Variants in TMC2 observed in about 807,000 individuals in gnomAD.
The protein encoded by TMC2 is transmembrane channel like 2.
TMC2 carries 102 observed loss-of-function variants against 105.9 expected under a neutral mutation model. That is an observed-to-expected ratio of 0.96 (90% confidence interval 0.82 to 1.14). The LOEUF is 1.14. Ranked by LOEUF, TMC2 falls within the 50% of genes most tolerant of loss-of-function variation. The pLI is 0.00. For missense variants in TMC2, 1,093 were observed against 1,134.3 expected, an observed-to-expected ratio of 0.96 and a Z score of 0.52; for synonymous variants, 402 against 422.8, an observed-to-expected ratio of 0.95 and a Z score of 0.60.
intron 19 of TMC2, among the ~76,000 whole-genome samples, chr20:2,638,211 G>A (rs889294377): frequency 2.0e-5 from 3 of 152,088 alleles, no homozygotes; most frequent in African/African-American, 4.8e-5. Flanking sequence ...CGTGGTGGCG[G>A]GCGCCTGTAG....
rs1209854083 is a variant in TMC2 at position 2,580,019 on chromosome 20, T to C, written c.797T>C (p.Leu266Pro). 1.2e-6 allele frequency: 2 copies of C among 1,613,674 alleles called. No homozygotes were observed. Among genetic ancestry groups the C allele is most frequent in the African/African-American group, 2.7e-5 (2 of 75,066 alleles). The stretch of plus-strand genomic sequence containing the variant: ...TGGATGTATGGAGTTAACCTTGTCC[T>C]TTTTGGCTTAATATTTGGTCTAGTC... ...LRWMYGVNLVLFGLIFGLVII... is the reference protein window; with the variant it reads ...LRWMYGVNLVPFGLIFGLVII... The change falls in exon 7 of 20, where the codon CTT (leucine) becomes CCT (proline). Residue 266 changes from leucine (L) to proline (P), a missense_variant. Leu to Pro is a moderately conservative substitution (Grantham distance 98, BLOSUM62 -3). Coordinates refer to ENST00000358864, the MANE Select transcript of TMC2 (RefSeq NM_080751.3).
At chr20:2,567,881 A>G (rs1461697512) in intron 4 of TMC2, among the ~76,000 whole-genome samples, 3 of 152,232 alleles carry the variant, frequency 2.0e-5, no homozygotes, top group Non-Finnish European at 4.4e-5. Context: ...CAACAACAGA[A>G]TGAAGAGAAC....
At chr20:2,638,356 C>CAAAAAAA (rs58078004) in intron 19 of TMC2, among the ~76,000 whole-genome samples, 1 of 142,622 alleles carries the variant, frequency 7.0e-6, no homozygotes. Flanking sequence ...GACTCCATCT[C>CAAAAAAA]AAAAAAAAAA....
chr20:2,572,864 T>C (rs2086113497), intron 5 of TMC2, among the ~76,000 whole-genome samples: 1 of 152,172 alleles, frequency 6.6e-6, no homozygotes, highest in Non-Finnish European at 1.5e-5. Flanking sequence ...TTGATGTCAT[T>C]ACCTCAATGA....
chr20:2,571,869 T>A (rs1416255770), intron 4 of TMC2, among the ~76,000 whole-genome samples: 1 of 152,200 alleles, frequency 6.6e-6, no homozygotes, highest in Non-Finnish European at 1.5e-5. Flanking sequence ...AAATCAGTAA[T>A]CTTAACTACA....
intron 1 of TMC2, 122 bp downstream of exon 1, chr20:2,536,777 T>G: frequency 9.3e-7 from 1 of 1,074,292 alleles, no homozygotes; most frequent in Non-Finnish European, 1.4e-6. Flanking sequence ...GTCCAGGGCC[T>G]GTCCCCTGTG....
At chr20:2,581,396 C>G (rs1427714235) in intron 7 of TMC2, among the ~76,000 whole-genome samples, 5 of 152,180 alleles carry the variant, frequency 3.3e-5, no homozygotes, top group Non-Finnish European at 7.3e-5. Flanking sequence ...GGTTCTGAGT[C>G]CACTGAGCCC....
At chr20:2,573,540 CTT>C in intron 5 of TMC2, among the ~76,000 whole-genome samples, 1 of 135,738 alleles carries the variant, frequency 7.4e-6, no homozygotes, top group East Asian at 2.1e-4. Context: ...CTTATTAATT[CTT>C]TTTTTTTTCT....
intron 2 of TMC2, among the ~76,000 whole-genome samples, chr20:2,550,412 C>T (rs2085949851): frequency 6.6e-6 from 1 of 152,086 alleles, no homozygotes; most frequent in Admixed American, 6.6e-5. Flanking sequence ...TCTTTCCTCC[C>T]CTCACCGAAT....
In TMC2 at chr20:2,565,111, C is replaced by T. The variant is rs1007218927; in HGVS notation, c.554+3101C>T. On this transcript the variant is annotated intron_variant, in intron 4 of 19. Coordinates refer to ENST00000358864, the MANE Select transcript of TMC2 (RefSeq NM_080751.3). ...CCCTCTCATTCCAAGGCACTGTCCA[C>T]TCTCTTGACTGGATGCTGTTCTTGT... is the stretch of plus-strand genomic sequence containing the variant. Among the ~76,000 whole-genome samples the T allele has an allele frequency of 1.1e-4, 17 of 152,356 alleles. No individual in the cohort carries two copies. In the South Asian group the frequency reaches 2.1e-3, roughly 19 times the overall value.
chr20:2,609,095 C>G (rs1028063671), intron 11 of TMC2, among the ~76,000 whole-genome samples: 2 of 152,152 alleles, frequency 1.3e-5, no homozygotes, highest in African/African-American at 4.8e-5. Context: ...TATCTGAGGA[C>G]CGGAAAGTTT....
intron 7 of TMC2, among the ~76,000 whole-genome samples, chr20:2,584,267 A>T (rs1336598749): frequency 6.6e-6 from 1 of 150,570 alleles, no homozygotes; most frequent in Non-Finnish European, 1.5e-5. Flanking sequence ...ACACGGTGAA[A>T]CCCCGTCTCT....
chr20:2,563,154 G>A (rs1162398643), intron 4 of TMC2, among the ~76,000 whole-genome samples: 2 of 152,168 alleles, frequency 1.3e-5, no homozygotes, highest in East Asian at 3.9e-4. Flanking sequence ...CTTCCTCATT[G>A]CTCGTTCAAA....
intron 11 of TMC2, among the ~76,000 whole-genome samples, chr20:2,608,290 CTTA>C (rs1373547841): frequency 8.8e-5 from 12 of 135,834 alleles, no homozygotes; most frequent in African/African-American, 3.0e-4. Context: ...CAGTTGTACC[CTTA>C]TTTTTATTTA....
Position 2,558,556 on chromosome 20 carries a change from G to T in TMC2, c.183G>T (p.Gly61=). ...GAQRSQKERA[G]GSPSPGSPRR... is the part of the protein sequence containing the mutation. ...AGCGAAGCCAGAAGGAGCGCGCCGGGGGCAGCCCAAGCCCGGGGTCTCCCC... is the reference window on the plus strand; with the variant it reads ...AGCGAAGCCAGAAGGAGCGCGCCGGTGGCAGCCCAAGCCCGGGGTCTCCCC... Residue 61 remains glycine (G), a synonymous_variant, in exon 3 of 20, where the codon GGG becomes GGT. Transcript: ENST00000358864. This position sits in a 1 kb window ranked among gnomAD's most constrained non-coding sequence, Gnocchi z 4.6. 1 of 1,553,116 alleles carries T rather than the reference G, an allele frequency of 6.4e-7. No homozygotes were observed. Among genetic ancestry groups the T allele is most frequent in the Non-Finnish European group, 8.7e-7 (1 of 1,148,066 alleles).
At chr20:2,641,047 A>G in intron 19 of TMC2, 87 bp from the exon 20 acceptor site, 1 of 1,161,328 alleles carries the variant, frequency 8.6e-7, no homozygotes, top group Non-Finnish European at 1.3e-6. Flanking sequence ...TAAAACCTAC[A>G]CACACCGCAG....
chr20:2,639,743 C>T (rs1180247513), intron 19 of TMC2, among the ~76,000 whole-genome samples: 1 of 152,166 alleles, frequency 6.6e-6, no homozygotes, highest in Non-Finnish European at 1.5e-5. Context: ...GGGGCTATTG[C>T]TCCTCGGCCT....
intron 11 of TMC2, among the ~76,000 whole-genome samples, chr20:2,603,828 T>C (rs747859748): frequency 2.9e-4 from 44 of 152,178 alleles, no homozygotes; most frequent in Non-Finnish European, 5.7e-4. Flanking sequence ...TCTAGTTCCA[T>C]CCCACTAGGG....
intron 2 of TMC2, among the ~76,000 whole-genome samples, chr20:2,541,292 G>A (rs1385075853): frequency 6.6e-6 from 1 of 152,146 alleles, no homozygotes; most frequent in African/African-American, 2.4e-5. Context: ...AAATAATGTT[G>A]CATTGAAGAT....
Sources: allele counts gnomAD v4.1 joint callset (sites outside exome capture counted in the v4.1 genomes callset), GRCh38; gene constraint gnomAD v4.1.1; non-coding constraint Gnocchi (gnomAD v3.1); transcripts MANE v1.5; gene names NCBI Gene and HGNC (gene_info 2026-07-23, HGNC 2026-07-21).